C12orf42: variants seen among roughly 807,000 people sequenced by gnomAD.
C12orf42 encodes uncharacterized protein C12orf42.
In C12orf42, 25 loss-of-function variants were observed where a neutral mutation model predicts 21.6. The ratio of observed to expected loss-of-function variants is 1.16; its 90% CI spans 0.84 to 1.62. The LOEUF is 1.62. C12orf42 is among the 40% of genes most tolerant of loss of function. The probability of loss-of-function intolerance (pLI) is 0.00; values close to 1 mark genes in which losing one functional copy is unlikely to be tolerated. For missense variants in C12orf42, 483 were observed against 459.3 expected (o/e 1.05, Z -0.47); for synonymous variants, 174 against 175.0 (o/e 0.99, Z 0.05).
chr12:103,210,644 T>TC, the C12orf42 span, among the ~76,000 whole-genome samples: 462 of 149,064 alleles, frequency 3.1e-3, 3 homozygotes, highest in African/African-American at 0.011. Flanking sequence ...TATTTCTTTT[T>TC]TTTTTTTTTT....
At chr12:103,265,947 T>C (rs978057588), downstream of C12orf42, among the ~76,000 whole-genome samples, 4 of 152,074 alleles carry the variant, frequency 2.6e-5, no homozygotes, top group African/African-American at 7.2e-5. Flanking sequence ...ATGGATAACC[T>C]TCTCACAGGC....
chr12:103,424,684 G>T (rs1949656897), intron 2 of C12orf42, among the ~76,000 whole-genome samples: 1 of 152,362 alleles, frequency 6.6e-6, no homozygotes, highest in South Asian at 2.1e-4. Context: ...CAGACCAGGA[G>T]ATTCCCTCGG....
intron 2 of C12orf42, among the ~76,000 whole-genome samples, chr12:103,437,569 G>C (rs1229172034): frequency 2.0e-5 from 3 of 151,592 alleles, no homozygotes; most frequent in Non-Finnish European, 4.4e-5. Context: ...ATGATAAAGG[G>C]GATATCACCA....
chr12:103,266,408 G>A (rs2035174097), downstream of C12orf42, among the ~76,000 whole-genome samples: 1 of 152,112 alleles, frequency 6.6e-6, no homozygotes, highest in Non-Finnish European at 1.5e-5. Context: ...AGAGGAGTCA[G>A]AAATGGAAAA....
chr12:103,367,799 A>G (rs1768561855), intron 4 of C12orf42, among the ~76,000 whole-genome samples: 1 of 152,048 alleles, frequency 6.6e-6, no homozygotes, highest in South Asian at 2.1e-4. Flanking sequence ...GTTCTTTTTA[A>G]GTAGAATTTG....
the C12orf42 span, among the ~76,000 whole-genome samples, chr12:103,555,950 A>C: frequency 6.3e-4 from 96 of 152,238 alleles, no homozygotes; most frequent in Non-Finnish European, 1.1e-3. Context: ...GCTTGGGAGA[A>C]AGCTACAGTG....
At chr12:103,334,148 G>A (rs2041482618) in intron 4 of C12orf42, among the ~76,000 whole-genome samples, 1 of 152,122 alleles carries the variant, frequency 6.6e-6, no homozygotes, top group African/African-American at 2.4e-5. Context: ...AGTTGTGCCT[G>A]TACAATGTTC....
downstream of C12orf42, among the ~76,000 whole-genome samples, chr12:103,301,273 C>T (rs573304849): frequency 2.0e-4 from 30 of 152,230 alleles, no homozygotes; most frequent in Admixed American, 1.6e-3. Context: ...TTCCAAGGAA[C>T]TTGAGTGCAA....
In C12orf42 at chr12:103,470,739, A is replaced by G. The variant is rs537609702; in HGVS notation, c.78+7610T>C. 2.6e-5 allele frequency among the ~76,000 whole-genome samples: 4 copies of G among 152,328 alleles called. No homozygotes were observed. In the South Asian group the frequency reaches 8.3e-4, roughly 32 times the overall value. ...TATTAGCCAACCTGTGAGAAGCACC[A>G]ATACCCTGAGGCCATTATGAGGAAG... On this transcript the variant is annotated intron_variant, in intron 2 of 5. Coordinates refer to ENST00000548883, the MANE Select transcript of C12orf42 (RefSeq NM_198521.5).
At chr12:103,171,495 G>A in the C12orf42 span, among the ~76,000 whole-genome samples, 1 of 152,132 alleles carries the variant, frequency 6.6e-6, no homozygotes, top group Non-Finnish European at 1.5e-5. Context: ...GGAGTATTTT[G>A]TAACTCTCAC....
At chr12:103,296,796 C>T (rs546418555) in intron 4 of C12orf42, among the ~76,000 whole-genome samples, 1 of 152,036 alleles carries the variant, frequency 6.6e-6, no homozygotes, top group South Asian at 2.1e-4. Context: ...AAATTTTATC[C>T]CATTCTGTAG....
chr12:103,553,685 C>T, the C12orf42 span, among the ~76,000 whole-genome samples: 3 of 152,202 alleles, frequency 2.0e-5, no homozygotes, highest in African/African-American at 7.2e-5. Context: ...CCAGTCCCCA[C>T]CCCAGCCCCA....
the C12orf42 span, among the ~76,000 whole-genome samples, chr12:103,225,530 G>T: frequency 7.2e-5 from 11 of 152,088 alleles, no homozygotes; most frequent in East Asian, 1.9e-4. Context: ...GGGTTAAGGT[G>T]GGGGGATACA....
chr12:103,091,867 G>A, the C12orf42 span, among the ~76,000 whole-genome samples: 5 of 152,182 alleles, frequency 3.3e-5, no homozygotes, highest in South Asian at 1.0e-3. Flanking sequence ...CTCACCACGA[G>A]GAAAAGTCTC....
intron 2 of C12orf42, among the ~76,000 whole-genome samples, chr12:103,435,443 A>G (rs1030777736): frequency 5.3e-5 from 8 of 152,358 alleles, no homozygotes; most frequent in Admixed American, 3.9e-4. Flanking sequence ...TCAGACGATC[A>G]AATTACTCTG....
intron 10 of C12orf42, among the ~76,000 whole-genome samples, chr12:103,256,107 TATATACACACACACACACAC>T (rs1240446124): frequency 3.1e-3 from 123 of 39,048 alleles, no homozygotes; most frequent in African/African-American, 9.7e-3. Context: ...TATATATATA[TATATACACACACACACACAC>T]ACACACACAC....
chr12:103,473,902 G>A (rs1953825193), intron 2 of C12orf42, among the ~76,000 whole-genome samples: 1 of 152,128 alleles, frequency 6.6e-6, no homozygotes, highest in Admixed American at 6.5e-5. Flanking sequence ...ATAAATACTG[G>A]TTAATTTTAA....
downstream of C12orf42, among the ~76,000 whole-genome samples, chr12:103,232,734 A>G (rs1257820188): frequency 2.7e-5 from 4 of 148,326 alleles, no homozygotes; most frequent in African/African-American, 7.5e-5. Flanking sequence ...AAAAAGTTCT[A>G]TAATTTTGTG....
intron 3 of C12orf42, among the ~76,000 whole-genome samples, chr12:103,388,359 A>G (rs17033807): frequency 0.2 from 29,786 of 152,010 alleles, 3,154 homozygotes; most frequent in East Asian, 0.32. Context: ...CCTGGCTCCT[A>G]TAGCATTCCT....
Sources: allele counts gnomAD v4.1 joint callset (sites outside exome capture counted in the v4.1 genomes callset), GRCh38; gene constraint gnomAD v4.1.1; transcripts MANE v1.5; gene names NCBI Gene and HGNC (gene_info 2026-07-23, HGNC 2026-07-21).